TNKS2: variants seen among roughly 807,000 people sequenced by gnomAD.
TNKS2 encodes tankyrase 2.
In TNKS2, 72 loss-of-function variants were observed where a neutral mutation model predicts 137.6. The ratio of observed to expected loss-of-function variants is 0.52; its 90% confidence interval spans 0.43 to 0.64. The LOEUF is 0.64. Ranked by LOEUF, TNKS2 falls within the 30% of genes least tolerant of loss-of-function variation. The probability of loss-of-function intolerance (pLI) is 0.00; values close to 1 mark genes in which losing one functional copy is unlikely to be tolerated. For synonymous variants in TNKS2, 516 were observed against 512.1 expected (o/e 1.01, Z -0.10); for missense variants, 1,049 against 1,410.2 (o/e 0.74, Z 4.10).
chr10:91,830,521 TTC>T (rs1269674726), intron 9 of TNKS2, among the ~76,000 whole-genome samples: 1 of 152,208 alleles, frequency 6.6e-6, no homozygotes, highest in African/African-American at 2.4e-5. Flanking sequence ...CCCGGCTATA[TTC>T]TGTTATTTCT....
chr10:91,830,925 T>C lies in TNKS2; in HGVS notation c.1107T>C (p.His369=). The C allele has an allele frequency of 1.2e-6, 2 of 1,605,848 alleles. No individual in the cohort carries two copies. The highest frequency in any genetic ancestry group is 2.2e-5 in the East Asian group (1 of 44,628). ...ATGCTGCAATTTAAATTATTTAGCA[T>C]TGTGCTGCTGCATCTCCATATCCCA... is the stretch of plus-strand genomic sequence containing the variant. ...KHPQTHETAL[H]CAAASPYPKR... The change falls in exon 10 of 27, where the codon CAT becomes CAC. Residue 369 remains histidine (H), a splice_region_variant and synonymous_variant. Coordinates refer to ENST00000371627, the MANE Select transcript of TNKS2 (RefSeq NM_025235.4).
chr10:91,858,679 G>T (rs1168547649), intron 24 of TNKS2, among the ~76,000 whole-genome samples: 4 of 152,202 alleles, frequency 2.6e-5, no homozygotes, highest in Non-Finnish European at 1.5e-5. Flanking sequence ...AGAAGTGGAA[G>T]GATAGAAGAG....
rs1431209893 is a variant in TNKS2 at position 91,798,731 on chromosome 10, C to G, written c.41C>G (p.Ala14Gly). ...RRCAGGGAACASAAAEAVEPA... is the reference protein window; with the variant it reads ...RRCAGGGAACGSAAAEAVEPA... The stretch of plus-strand genomic sequence containing the variant: ...TGCGCCGGCGGGGGAGCGGCCTGCG[C>G]GAGCGCCGCGGCCGAGGCCGTGGAG... The change falls in exon 1 of 27, where the codon GCG becomes GGG. Residue 14 changes from alanine (A) to glycine (G), a missense_variant. By Grantham distance (60) the Ala-to-Gly change is moderately conservative. Around this residue, in one of 6 missense-constraint regions of TNKS2, gnomAD observed 374 missense variants for 460.8 expected, o/e 0.81. Coordinates refer to ENST00000371627, the MANE Select transcript of TNKS2 (RefSeq NM_025235.4). 5 of 1,243,302 alleles carry G rather than the reference C, an allele frequency of 4.0e-6. No individual in the cohort carries two copies. The highest frequency in any genetic ancestry group is 4.9e-4 in the Middle Eastern group (2 of 4,064). The allele number at this position is 1,243,302 out of a possible 1,614,324, so 77.0% of individuals were successfully genotyped here. A position where few individuals can be genotyped will look rare whatever the true frequency, so the allele number is the denominator to read the frequency against.
At chr10:91,844,255 T>C (rs1308825360) in intron 16 of TNKS2, among the ~76,000 whole-genome samples, 1 of 152,234 alleles carries the variant, frequency 6.6e-6, no homozygotes, top group Non-Finnish European at 1.5e-5. Context: ...TAATGTAATA[T>C]TTTATGGTAG....
At position 91,798,529 on chromosome 10, in the gene TNKS2, G is replaced by C; in HGVS notation, c.-162G>C. On this transcript the variant is annotated 5_prime_UTR_variant, in exon 1 of 27. Transcript: ENST00000371627. ...AGGGAGCCCAGCGAGGGGCGCGCGTGGGCGCGGCCATGGGACTGCGCCGGA... is the reference window on the plus strand; with the variant it reads ...AGGGAGCCCAGCGAGGGGCGCGCGTCGGCGCGGCCATGGGACTGCGCCGGA... 8 of 830,828 alleles carry C rather than the reference G, an allele frequency of 9.6e-6. 1 individual carries two copies. Among genetic ancestry groups the C allele is most frequent in the Non-Finnish European group, 1.3e-5 (8 of 635,632 alleles). 51.5% of individuals were successfully genotyped at this position (830,828 alleles called of 1,614,324 possible).
rs759555964 is a variant in TNKS2 at position 91,855,609 on chromosome 10, G to A, written c.2914-5G>A. Reference sequence around the variant, plus strand: ...CACATATATTTCAAACCATTTTTCTGACAGATGCAAAGTACAGTTCGAGAG... The same window carrying A: ...CACATATATTTCAAACCATTTTTCTAACAGATGCAAAGTACAGTTCGAGAG... On this transcript the variant is annotated splice_region_variant and splice_polypyrimidine_tract_variant and intron_variant, in intron 22 of 26. Coordinates refer to ENST00000371627, the MANE Select transcript of TNKS2 (RefSeq NM_025235.4). 9 of 1,606,600 alleles carry A rather than the reference G, an allele frequency of 5.6e-6. No homozygotes were observed. The highest frequency in any genetic ancestry group is 2.5e-6 in the Non-Finnish European group (3 of 1,176,892).
chr10:91,853,354 T>C (rs1031957395), intron 21 of TNKS2, among the ~76,000 whole-genome samples: 5 of 152,328 alleles, frequency 3.3e-5, no homozygotes, highest in Admixed American at 1.3e-4. Flanking sequence ...AGAAACGTCA[T>C]GAGACAAAAT....
At chr10:91,807,373 T>A (rs1003386220) in intron 1 of TNKS2, 8 of 1,614,178 alleles carry the variant, frequency 5.0e-6, no homozygotes, top group Non-Finnish European at 6.8e-6. Flanking sequence ...CGTGCCTTCA[T>A]AGGGTCAGCG....
chr10:91,855,759 A>C, intron 23 of TNKS2, 71 bp downstream of exon 23: 2 of 1,134,388 alleles, frequency 1.8e-6, no homozygotes, highest in South Asian at 1.4e-5. Flanking sequence ...AGTAACTTTC[A>C]TAAGAATCTA....
intron 7 of TNKS2, 36 bp from the exon 8 acceptor site, chr10:91,826,981 A>G: frequency 6.9e-7 from 1 of 1,447,382 alleles, no homozygotes; most frequent in South Asian, 1.6e-5. Flanking sequence ...ATTCTTTTAA[A>G]AATTGAACAT....
intron 3 of TNKS2, 38 bp from the exon 4 acceptor site, chr10:91,819,232 T>C: frequency 7.9e-7 from 1 of 1,267,688 alleles, no homozygotes; most frequent in South Asian, 1.6e-5. Flanking sequence ...TAATTTTTCT[T>C]TTTAATTTCT....
chr10:91,857,688 T>G (rs1395877228), intron 24 of TNKS2, among the ~76,000 whole-genome samples, 158 bp downstream of exon 24: 4 of 152,354 alleles, frequency 2.6e-5, no homozygotes, highest in Non-Finnish European at 5.9e-5. Context: ...TTCAACTTCT[T>G]TTGAATTTGT....
At chr10:91,826,248 G>A (rs1350770884) in intron 7 of TNKS2, among the ~76,000 whole-genome samples, 1 of 152,112 alleles carries the variant, frequency 6.6e-6, no homozygotes, top group East Asian at 1.9e-4. Context: ...GGTTAGGTGT[G>A]GAATTTTCCA....
chr10:91,848,480 G>A lies in TNKS2; in HGVS notation c.2456G>A (p.Gly819Glu). ...PQVLNGVRSP[G>E]ATADALSSGP... ...GTGCTCAATGGTGTGAGAAGCCCAG[G>A]AGCCACTGCAGATGCTCTCTCTTCA... Residue 819 changes from glycine (G) to glutamate (E), a missense_variant, in exon 19 of 27, where the codon GGA (glycine) becomes GAA (glutamate). Around this residue, in one of 6 missense-constraint regions of TNKS2, gnomAD observed 208 missense variants for 231.2 expected, o/e 0.90. Coordinates refer to ENST00000371627, the MANE Select transcript of TNKS2 (RefSeq NM_025235.4). 1 of 1,614,096 alleles carries A rather than the reference G, an allele frequency of 6.2e-7. No homozygotes were observed. Among genetic ancestry groups the A allele is most frequent in the Non-Finnish European group, 8.5e-7 (1 of 1,180,016 alleles).
In TNKS2 at chr10:91,851,753, G is replaced by A. The variant is rs7904608; in HGVS notation, c.2815+417G>A. Among the ~76,000 whole-genome samples, 630 of 152,248 alleles carry A rather than the reference G, an allele frequency of 4.1e-3. 6 individuals are homozygous for A. The highest frequency in any genetic ancestry group is 0.015 in the African/African-American group (603 of 41,542). On this transcript the variant is annotated intron_variant, in intron 21 of 26. Transcript: ENST00000371627. ...TAAAGTACTATAGTAGATCTCTTAT[G>A]TAGATAAAATTTTAAGCGCTTGGGA...
chr10:91,860,846 T>G (rs534165292), intron 25 of TNKS2, among the ~76,000 whole-genome samples: 1 of 152,254 alleles, frequency 6.6e-6, no homozygotes, highest in Admixed American at 6.5e-5. Flanking sequence ...AGATCATAAA[T>G]TGGAGTGGTT....
At chr10:91,840,832 A>G in intron 14 of TNKS2, 126 bp downstream of exon 14, 1 of 879,884 alleles carries the variant, frequency 1.1e-6, no homozygotes. Context: ...CTAAATATTA[A>G]ATAGAGCTTC....
intron 1 of TNKS2, among the ~76,000 whole-genome samples, chr10:91,809,218 C>T (rs975706204): frequency 4.1e-4 from 63 of 151,832 alleles, no homozygotes; most frequent in Non-Finnish European, 7.2e-4. Flanking sequence ...ATAACTTCAA[C>T]GTATGTGAAA....
Position 91,798,440 on chromosome 10 carries a change from C to G in TNKS2, c.-251C>G. Reference sequence around the variant, plus strand: ...GGGGCCTTGCCAGCTTCCGCCGCCGCGTCGTTTCAGGACCCGGACGGCGGA... The same window carrying G: ...GGGGCCTTGCCAGCTTCCGCCGCCGGGTCGTTTCAGGACCCGGACGGCGGA... On this transcript the variant is annotated 5_prime_UTR_variant, in exon 1 of 27. Transcript: ENST00000371627. 3.4e-6 allele frequency: 1 copy of G among 295,216 alleles called. No individual in the cohort carries two copies. Among genetic ancestry groups the G allele is most frequent in the Non-Finnish European group, 6.1e-6 (1 of 163,804 alleles). The allele number at this position is 295,216 out of a possible 1,614,324, so 18.3% of individuals were successfully genotyped here.
Sources: allele counts gnomAD v4.1 joint callset (sites outside exome capture counted in the v4.1 genomes callset), GRCh38; gene constraint gnomAD v4.1.1; regional missense constraint gnomAD v4.1.1; transcripts MANE v1.5; gene names NCBI Gene and HGNC (gene_info 2026-07-23, HGNC 2026-07-21).